The following RIMS1 variants were observed in gnomAD, a reference collection of about 807,000 sequenced individuals.
RIMS1 encodes regulating synaptic membrane exocytosis 1, also known as regulating synaptic membrane exocytosis protein 1.
Under a neutral mutation model 214.1 loss-of-function variants are expected in RIMS1, and 83 were observed. The observed-to-expected ratio is 0.39, with a 90% CI of 0.32 to 0.47. The LOEUF (loss-of-function observed/expected upper bound fraction) is 0.47, where lower values mean the gene tolerates loss of function less well. RIMS1 is among the 20% of genes least tolerant of loss of function. RIMS1 has a pLI of 0.99. For missense variants in RIMS1, 2,050 were observed against 2,161.8 expected, an observed-to-expected ratio of 0.95 and a Z score of 1.03; for synonymous variants, 793 against 786.8, an observed-to-expected ratio of 1.01 and a Z score of -0.13.
intron 4 of RIMS1, among the ~76,000 whole-genome samples, chr6:72,151,814 G>A (rs1477128457): frequency 6.6e-6 from 1 of 152,152 alleles, no homozygotes; most frequent in Admixed American, 6.5e-5. Context: ...TAGGTCATTA[G>A]TAAGGAAAAG....
At chr6:72,049,690 C>T (rs369131177) in intron 2 of RIMS1, among the ~76,000 whole-genome samples, 4 of 152,116 alleles carry the variant, frequency 2.6e-5, no homozygotes, top group Admixed American at 6.6e-5. Flanking sequence ...TGTAGACATA[C>T]GGCTTTCATT....
intron 1 of RIMS1, among the ~76,000 whole-genome samples, chr6:71,917,853 A>G (rs1300377064): frequency 6.6e-6 from 1 of 152,148 alleles, no homozygotes; most frequent in African/African-American, 2.4e-5. Flanking sequence ...TATAGGTTTG[A>G]TTTAGTGTTA....
intron 2 of RIMS1, among the ~76,000 whole-genome samples, chr6:72,093,156 G>A (rs889698517): frequency 2.0e-5 from 3 of 147,380 alleles, no homozygotes; most frequent in South Asian, 2.2e-4. Context: ...TAGGAATTTC[G>A]GGTCCTAGAG....
chr6:72,219,806 T>C (rs1455780113), intron 6 of RIMS1, among the ~76,000 whole-genome samples: 1 of 150,290 alleles, frequency 6.7e-6, no homozygotes, highest in Non-Finnish European at 1.5e-5. Flanking sequence ...TTTATCCACT[T>C]AATTTTTTTT....
chr6:72,113,391 T>G (rs2036476029), intron 4 of RIMS1, among the ~76,000 whole-genome samples: 1 of 152,180 alleles, frequency 6.6e-6, no homozygotes, highest in Non-Finnish European at 1.5e-5. Context: ...TATTTTATTC[T>G]TATTTTTATG....
intron 4 of RIMS1, among the ~76,000 whole-genome samples, chr6:72,160,034 C>T (rs1196149734): frequency 7.7e-6 from 1 of 130,088 alleles, no homozygotes; most frequent in African/African-American, 2.6e-5. Flanking sequence ...ATGGAATGTT[C>T]TTCCATTTGT....
chr6:72,262,032 A>C, intron 19 of RIMS1: 1 of 984,856 alleles, frequency 1.0e-6, no homozygotes, highest in Non-Finnish European at 1.2e-6. Context: ...GATGTGACTA[A>C]AGCTTCAAAA....
chr6:72,055,228 T>TA (rs1479212119), intron 2 of RIMS1, among the ~76,000 whole-genome samples: 2 of 152,208 alleles, frequency 1.3e-5, no homozygotes, highest in African/African-American at 2.4e-5. Context: ...TATTTCTTTT[T>TA]AAAATAGAAT....
At chr6:72,148,761 T>C (rs1351118340) in intron 4 of RIMS1, 8 of 414,986 alleles carry the variant, frequency 1.9e-5, no homozygotes, top group Non-Finnish European at 4.7e-6. Context: ...AGGATTGAGT[T>C]TGGGACAAAA....
chr6:71,912,327 A>T (rs1242239929), intron 1 of RIMS1, among the ~76,000 whole-genome samples: 1 of 152,118 alleles, frequency 6.6e-6, no homozygotes, highest in Non-Finnish European at 1.5e-5. Flanking sequence ...TGATACCCAA[A>T]TTAATTATTT....
At chr6:71,899,574 C>T (rs574166960) in intron 1 of RIMS1, among the ~76,000 whole-genome samples, 3 of 152,238 alleles carry the variant, frequency 2.0e-5, no homozygotes, top group Admixed American at 6.5e-5. Context: ...TCCCTGAAGA[C>T]TTGAAACATT....
rs2073215261 is a variant in RIMS1, at chr6:72,251,366, A to G, written c.2696A>G (p.Gln899Arg). Residue 899 changes from glutamine to arginine, a missense_variant and splice_region_variant, in exon 15 of 34, where the codon CAA becomes CGA. Physicochemically the swap from Gln to Arg is conservative, Grantham distance 43. Transcript: ENST00000521978. ...IHGESSSKKLQRSQRISDSDI... is the reference protein window; with the variant it reads ...IHGESSSKKLRRSQRISDSDI... ...GGAGAAAGCTCTAGCAAAAAGCTAC[A>G]AAGTAGGTTAAGGTCCTTTTAGTTG... 2 of 1,587,208 alleles carry G rather than the reference A, an allele frequency of 1.3e-6. No individual in the cohort carries two copies. Among genetic ancestry groups the G allele is most frequent in the East Asian group, 2.3e-5 (1 of 44,024 alleles).
chr6:72,095,116 A>ATTTTTTTTTTTTTTTTTTT, intron 2 of RIMS1, among the ~76,000 whole-genome samples: 1 of 98,980 alleles, frequency 1.0e-5, no homozygotes, highest in Non-Finnish European at 1.9e-5. Flanking sequence ...ACGCCCGACT[A>ATTTTTTTTTTTTTTTTTTT]TTTTTTTTTT....
At chr6:72,057,622 T>C (rs1323542802) in intron 2 of RIMS1, among the ~76,000 whole-genome samples, 1 of 151,746 alleles carries the variant, frequency 6.6e-6, no homozygotes, top group Middle Eastern at 3.4e-3. Context: ...ATTCTCCTGC[T>C]TCAGCCTCCG....
chr6:72,186,436 G>C (rs1390491418), intron 6 of RIMS1, among the ~76,000 whole-genome samples: 1 of 152,188 alleles, frequency 6.6e-6, no homozygotes, highest in African/African-American at 2.4e-5. Flanking sequence ...CCTGGTGCTC[G>C]AGAATGATTA....
chr6:72,390,547 G>A, intron 29 of RIMS1, 51 bp from the exon 30 acceptor site: 3 of 1,531,118 alleles, frequency 2.0e-6, no homozygotes, highest in African/African-American at 2.8e-5. Context: ...TGATATTCAG[G>A]AGTAAACTGT....
chr6:72,354,583 G>A lies in RIMS1; in HGVS notation c.4366+20748G>A, dbSNP rs192328024. On this transcript the variant is annotated intron_variant, in intron 29 of 33. Transcript: ENST00000521978. Reference sequence around the variant, plus strand: ...ATTTTGTTTCTTAGATGCTCTGTATGCTATGCCCAGTGTTACTTTTTAAGT... The same window carrying A: ...ATTTTGTTTCTTAGATGCTCTGTATACTATGCCCAGTGTTACTTTTTAAGT... Among the ~76,000 whole-genome samples, 5 of 152,294 alleles carry A rather than the reference G, an allele frequency of 3.3e-5. No individual in the cohort carries two copies. In the East Asian group the frequency reaches 7.7e-4, roughly 24 times the overall value.
chr6:72,350,709 TA>T (rs1206212079), intron 29 of RIMS1, among the ~76,000 whole-genome samples: 1 of 152,312 alleles, frequency 6.6e-6, no homozygotes, highest in East Asian at 1.9e-4. Context: ...ACATAAGAAG[TA>T]AAAGCATTTA....
chr6:72,250,518 A>T (rs2072754324), intron 13 of RIMS1, 58 bp downstream of exon 13: 2 of 1,250,312 alleles, frequency 1.6e-6, no homozygotes, highest in Non-Finnish European at 2.2e-6. Context: ...GAAAAGGTAG[A>T]ATTTTCTCTT....
Sources: gnomAD v4.1 joint callset for allele counts (sites outside exome capture counted in the v4.1 genomes callset) on GRCh38, gnomAD v4.1.1 for gene constraint, MANE v1.5 for transcripts, NCBI Gene and HGNC (gene_info 2026-07-23, HGNC 2026-07-21) for gene names.